Variants in PBX3 observed in about 807,000 individuals in gnomAD.
The protein encoded by PBX3 is pre-B-cell leukemia transcription factor 3.
PBX3 carries 14 observed loss-of-function variants against 48.5 expected under a neutral mutation model. The ratio of observed to expected loss-of-function variants is 0.29; its 90% CI spans 0.19 to 0.45. PBX3 has a LOEUF of 0.45. Among genes scored for constraint, PBX3 ranks in the 20% least tolerant of loss-of-function variants. The pLI, the probability that PBX3 is intolerant of heterozygous loss-of-function variation, is 1.00. For missense variants in PBX3, 386 were observed against 546.7 expected, an observed-to-expected ratio of 0.71 and a Z score of 2.93; for synonymous variants, 210 against 200.3, an observed-to-expected ratio of 1.05 and a Z score of -0.41.
At chr9:125,756,932 T>G (rs1836533552) in intron 2 of PBX3, among the ~76,000 whole-genome samples, 1 of 152,224 alleles carries the variant, frequency 6.6e-6, no homozygotes, top group African/African-American at 2.4e-5. Context: ...AGTCTCTGAT[T>G]ACTTGCAAAA....
intron 5 of PBX3, among the ~76,000 whole-genome samples, chr9:125,936,960 A>G (rs1433166527): frequency 6.6e-6 from 1 of 152,210 alleles, no homozygotes; most frequent in Non-Finnish European, 1.5e-5. Context: ...TTTATGACGA[A>G]TGCCTTTTCC....
chr9:125,781,383 G>T (rs1588140862), intron 2 of PBX3, among the ~76,000 whole-genome samples: 1 of 151,748 alleles, frequency 6.6e-6, no homozygotes, highest in East Asian at 2.0e-4. Context: ...AGTCAGGCGT[G>T]GTGGCGCGCG....
At chr9:125,808,185 G>A (rs1838183738) in intron 2 of PBX3, among the ~76,000 whole-genome samples, 1 of 152,076 alleles carries the variant, frequency 6.6e-6, no homozygotes, top group African/African-American at 2.4e-5. Context: ...TGGTCTATGT[G>A]GGGAAACAAT....
intron 2 of PBX3, among the ~76,000 whole-genome samples, chr9:125,890,587 C>T (rs906899339): frequency 2.0e-5 from 3 of 152,190 alleles, no homozygotes; most frequent in Admixed American, 2.0e-4. Context: ...CCATCCCACC[C>T]CCAGTGACTT....
chr9:125,812,672 A>G (rs1838327407), intron 2 of PBX3, among the ~76,000 whole-genome samples: 1 of 152,356 alleles, frequency 6.6e-6, no homozygotes, highest in Admixed American at 6.5e-5. Context: ...GAAACTCATC[A>G]TCAGGCAATT....
intron 2 of PBX3, among the ~76,000 whole-genome samples, chr9:125,851,744 T>C (rs1202533421): frequency 6.6e-6 from 1 of 152,106 alleles, no homozygotes; most frequent in Non-Finnish European, 1.5e-5. Context: ...TTAAGAACTT[T>C]TATTATACTA....
intron 2 of PBX3, among the ~76,000 whole-genome samples, chr9:125,819,680 A>G (rs1838590411): frequency 6.6e-6 from 1 of 152,184 alleles, no homozygotes; most frequent in Non-Finnish European, 1.5e-5. Context: ...ATAGATTTAT[A>G]TATCTTCAGT....
At chr9:125,937,705 G>T (rs1260580690) in intron 5 of PBX3, among the ~76,000 whole-genome samples, 1 of 152,154 alleles carries the variant, frequency 6.6e-6, no homozygotes, top group Non-Finnish European at 1.5e-5. Context: ...CTGTCACACA[G>T]GCTGGAGTGC....
chr9:125,802,437 G>A (rs952355405), intron 2 of PBX3, among the ~76,000 whole-genome samples: 1 of 137,536 alleles, frequency 7.3e-6, no homozygotes, highest in Admixed American at 8.1e-5. Flanking sequence ...GCATGGTCAT[G>A]GCTCACTGCA....
intron 2 of PBX3, among the ~76,000 whole-genome samples, chr9:125,898,066 T>A (rs1367949756): frequency 6.6e-6 from 1 of 151,848 alleles, no homozygotes; most frequent in Non-Finnish European, 1.5e-5. Context: ...TAAATAATTA[T>A]GATGGAATTG....
At chr9:125,912,971 A>T (rs909697494) in intron 2 of PBX3, among the ~76,000 whole-genome samples, 2 of 152,176 alleles carry the variant, frequency 1.3e-5, no homozygotes, top group Non-Finnish European at 2.9e-5. Context: ...GAGGAATAAA[A>T]TGGTAACTAA....
intron 2 of PBX3, among the ~76,000 whole-genome samples, chr9:125,758,792 A>G (rs1045676712): frequency 6.6e-6 from 1 of 152,146 alleles, no homozygotes; most frequent in Admixed American, 6.5e-5. Flanking sequence ...GTGTGCAGCA[A>G]TGTCTGCGTG....
chr9:125,781,368 A>AAACC (rs1837304393), intron 2 of PBX3, among the ~76,000 whole-genome samples: 1 of 151,710 alleles, frequency 6.6e-6, no homozygotes, highest in Admixed American at 6.6e-5. Flanking sequence ...AAAAGTACGA[A>AAACC]AACCAGTCAG....
intron 2 of PBX3, among the ~76,000 whole-genome samples, chr9:125,794,147 A>C (rs1449426130): frequency 1.3e-5 from 2 of 152,220 alleles, no homozygotes; most frequent in Non-Finnish European, 2.9e-5. Context: ...AAAAATGTTT[A>C]AGTTATGGAA....
At chr9:125,843,038 A>G (rs967857310) in intron 2 of PBX3, among the ~76,000 whole-genome samples, 1 of 151,694 alleles carries the variant, frequency 6.6e-6, no homozygotes, top group South Asian at 2.1e-4. Flanking sequence ...TTCACTTTTT[A>G]CAGGGCTTGA....
chr9:125,931,299 A>G (rs1758576168), intron 4 of PBX3, among the ~76,000 whole-genome samples: 1 of 152,152 alleles, frequency 6.6e-6, no homozygotes, highest in South Asian at 2.1e-4. Context: ...AAAATAAATA[A>G]TGTCCTTAGC....
rs1037708207 is a variant in PBX3 at position 125,960,402 on chromosome 9, C to T, written c.844-282C>T. Among the ~76,000 whole-genome samples the T allele has an allele frequency of 6.6e-5, 10 of 152,164 alleles. No homozygotes were observed. The East Asian group carries it at 1.7e-3, about 26-fold the overall frequency. On this transcript the variant is annotated intron_variant, in intron 5 of 8. Transcript: ENST00000373489. The stretch of plus-strand genomic sequence containing the variant: ...GGGGCCTGACTATTTATATACTAAT[C>T]GGTATATAGCAGTTGGATATCTTTT...
intron 2 of PBX3, among the ~76,000 whole-genome samples, chr9:125,754,409 A>G (rs1434400149): frequency 6.6e-6 from 1 of 152,012 alleles, no homozygotes; most frequent in Non-Finnish European, 1.5e-5. Flanking sequence ...AATTTATATC[A>G]CTATGTAGTA....
intron 5 of PBX3, among the ~76,000 whole-genome samples, chr9:125,957,890 T>C (rs1215844767): frequency 6.6e-6 from 1 of 152,210 alleles, no homozygotes; most frequent in Non-Finnish European, 1.5e-5. Context: ...TCAGAAACGC[T>C]AGAGTGATAA....
Sources: allele counts gnomAD v4.1 joint callset (sites outside exome capture counted in the v4.1 genomes callset), GRCh38; gene constraint gnomAD v4.1.1; transcripts MANE v1.5; gene names NCBI Gene and HGNC (gene_info 2026-07-23, HGNC 2026-07-21).